Variants in DOCK4 observed in about 807,000 individuals in gnomAD.
DOCK4 encodes dedicator of cytokinesis protein 4.
In DOCK4, 97 loss-of-function variants were observed where a neutral mutation model predicts 268.1. The ratio of observed to expected loss-of-function variants is 0.36; its 90% CI spans 0.31 to 0.43. The LOEUF (loss-of-function observed/expected upper bound fraction) is 0.43, where lower values mean the gene tolerates loss of function less well. DOCK4 is among the 20% of genes least tolerant of loss of function. DOCK4 has a pLI of 1.00. For synonymous variants in DOCK4, 954 were observed against 887.2 expected (o/e 1.08, Z -1.34); for missense variants, 2,145 against 2,455.7 (o/e 0.87, Z 2.67).
intron 41 of DOCK4, 46 bp downstream of exon 41, chr7:111,758,578 C>T (rs548264647): frequency 1.3e-5 from 21 of 1,600,788 alleles, no homozygotes; most frequent in Middle Eastern, 1.7e-4. Flanking sequence ...CCAAGGGGCT[C>T]GCAGTCTATC....
In DOCK4 at chr7:111,741,556, C is replaced by T; in HGVS notation, c.4903G>A (p.Val1635Ile). 6.2e-7 allele frequency: 1 copy of T among 1,613,272 alleles called. No homozygotes were observed. The highest frequency in any genetic ancestry group is 1.3e-5 in the African/African-American group (1 of 74,984). Residue 1635 changes from valine to isoleucine, a missense_variant, in exon 46 of 53, where the codon GTA becomes ATA. Around this residue, in one of 2 missense-constraint regions of DOCK4, gnomAD observed 547 missense variants for 469.0 expected, o/e 1.17. Coordinates refer to ENST00000428084, the MANE Select transcript of DOCK4 (RefSeq NM_001363540.2). ...ATGACTTACCTGCGTCTAGGAATTA[C>T]CCTGGTACCATCTGGGCTCACAGAA... ...PASVSPDGTR[V>I]IPRRSPLSYP...
chr7:112,143,144 C>T (rs547750755), intron 1 of DOCK4, among the ~76,000 whole-genome samples: 21 of 151,252 alleles, frequency 1.4e-4, no homozygotes, highest in Non-Finnish European at 2.8e-4. Context: ...AGTTCAAAAC[C>T]AAAAGGTTAA....
chr7:112,021,994 G>A (rs984426333), intron 1 of DOCK4, among the ~76,000 whole-genome samples: 4 of 152,182 alleles, frequency 2.6e-5, no homozygotes. Flanking sequence ...TCCGATTAAT[G>A]TCAAAATTGT....
chr7:111,944,218 T>C (rs1307693608), intron 10 of DOCK4, among the ~76,000 whole-genome samples: 1 of 152,198 alleles, frequency 6.6e-6, no homozygotes, highest in African/African-American at 2.4e-5. Flanking sequence ...TATAAGTGTT[T>C]TCATAGTCAG....
At chr7:112,002,723 C>T (rs993155004) in intron 2 of DOCK4, among the ~76,000 whole-genome samples, 8 of 151,960 alleles carry the variant, frequency 5.3e-5, no homozygotes, top group South Asian at 2.1e-4. Flanking sequence ...GATATACTAA[C>T]GGGGCTCTAA....
At chr7:112,141,926 GGCCA>G (rs2116283094) in intron 1 of DOCK4, among the ~76,000 whole-genome samples, 1 of 152,234 alleles carries the variant, frequency 6.6e-6, no homozygotes, top group African/African-American at 2.4e-5. Context: ...GTTCAAGAGA[GGCCA>G]GAAATCCACA....
chr7:111,973,273 G>A (rs1379301888), intron 8 of DOCK4, among the ~76,000 whole-genome samples: 1 of 151,066 alleles, frequency 6.6e-6, no homozygotes, highest in Admixed American at 6.6e-5. Flanking sequence ...TTAAAAACAT[G>A]AGTGTGCAAG....
intron 1 of DOCK4, among the ~76,000 whole-genome samples, chr7:112,062,658 T>A (rs1336714026): frequency 1.3e-5 from 2 of 152,272 alleles, no homozygotes; most frequent in East Asian, 3.9e-4. Flanking sequence ...TGTGTCCTTC[T>A]AGATAGTACA....
chr7:111,929,449 T>C (rs1474352214), intron 12 of DOCK4, among the ~76,000 whole-genome samples: 2 of 152,160 alleles, frequency 1.3e-5, no homozygotes, highest in Non-Finnish European at 2.9e-5. Context: ...AGGTCACATA[T>C]TAAATGTCTA....
At chr7:111,820,581 A>G (rs367796615) in intron 27 of DOCK4, 2 of 152,220 alleles carry the variant, frequency 1.3e-5, no homozygotes, top group East Asian at 3.8e-4. Flanking sequence ...GTGTGACCAT[A>G]AAGTCTTTAA....
intron 44 of DOCK4, 38 bp from the exon 45 acceptor site, chr7:111,742,170 G>A: frequency 6.5e-7 from 1 of 1,528,186 alleles, no homozygotes; most frequent in East Asian, 2.4e-5. Flanking sequence ...TCACATCAAT[G>A]ACTACCTCTC....
intron 1 of DOCK4, among the ~76,000 whole-genome samples, chr7:112,066,870 C>T (rs182194442): frequency 1.5e-3 from 230 of 150,710 alleles, no homozygotes; most frequent in African/African-American, 5.1e-3. Flanking sequence ...ATGGGCTGGG[C>T]ACAGTGGCTC....
rs190697386 is a variant in DOCK4, at chr7:111,950,892, C to G, written c.702-5094G>C. 2.8e-3 allele frequency among the ~76,000 whole-genome samples: 423 copies of G among 152,248 alleles called. 1 individual carries two copies. Among genetic ancestry groups the G allele is most frequent in the African/African-American group, 9.9e-3 (413 of 41,550 alleles). ...GTTTTCAAATGAGAATACTGTCTTC[C>G]TCTTCTTACAGAATGAATAAGCAAA... is the stretch of plus-strand genomic sequence containing the variant. On this transcript the variant is annotated intron_variant, in intron 8 of 52. Transcript: ENST00000428084.
intron 1 of DOCK4, among the ~76,000 whole-genome samples, chr7:112,204,380 C>T (rs1302077241): frequency 6.6e-6 from 1 of 152,328 alleles, no homozygotes; most frequent in East Asian, 1.9e-4. Context: ...GAGCTTCCTG[C>T]ACTGAGTGTT....
chr7:111,935,528 C>G lies in DOCK4; in HGVS notation c.1066+12G>C, dbSNP rs371951499. 2 of 1,611,726 alleles carry G rather than the reference C, an allele frequency of 1.2e-6. No homozygotes were observed. Among genetic ancestry groups the G allele is most frequent in the Admixed American group, 3.3e-5 (2 of 59,952 alleles). On this transcript the variant is annotated intron_variant, in intron 12 of 52. Coordinates refer to ENST00000428084, the MANE Select transcript of DOCK4 (RefSeq NM_001363540.2). Reference sequence around the variant, plus strand: ...AAAAGTGTAGGGAAAGTCAGCCAGCCCATACACTCACCTGCATTGGAGCCA... The same window carrying G: ...AAAAGTGTAGGGAAAGTCAGCCAGCGCATACACTCACCTGCATTGGAGCCA...
intron 1 of DOCK4, among the ~76,000 whole-genome samples, chr7:112,051,469 C>G (rs10270243): frequency 1.3e-5 from 2 of 152,006 alleles, no homozygotes; most frequent in Non-Finnish European, 2.9e-5. Context: ...CTTCTTTTAT[C>G]GAAAAGAAGA....
chr7:111,922,272 C>G (rs1793207335), intron 12 of DOCK4, among the ~76,000 whole-genome samples: 2 of 151,924 alleles, frequency 1.3e-5, no homozygotes, highest in Non-Finnish European at 2.9e-5. Context: ...TCTTTTTTCC[C>G]CTTCTTTTTC....
intron 5 of DOCK4, among the ~76,000 whole-genome samples, chr7:111,989,981 G>C (rs763430155): frequency 3.9e-5 from 6 of 152,192 alleles, no homozygotes; most frequent in Non-Finnish European, 7.3e-5. Context: ...AACTTATTTA[G>C]AGCCAAACAA....
chr7:111,887,844 T>C (rs1346077083), intron 16 of DOCK4, among the ~76,000 whole-genome samples: 2 of 149,494 alleles, frequency 1.3e-5, no homozygotes, highest in East Asian at 3.9e-4. Flanking sequence ...AGAGAGGACA[T>C]TGGGAGGGGC....
Sources: allele counts gnomAD v4.1 joint callset (sites outside exome capture counted in the v4.1 genomes callset), GRCh38; gene constraint gnomAD v4.1.1; regional missense constraint gnomAD v4.1.1; transcripts MANE v1.5; gene names NCBI Gene and HGNC (gene_info 2026-07-23, HGNC 2026-07-21).